NCAM2: variants seen among roughly 807,000 people sequenced by gnomAD.
NCAM2 encodes the protein neural cell adhesion molecule 2.
NCAM2 carries 30 observed loss-of-function variants against 98.1 expected under a neutral mutation model. That is an observed-to-expected ratio of 0.31 (90% CI 0.23 to 0.41). The LOEUF is 0.41. NCAM2 is among the 10% of genes least tolerant of loss of function. The pLI, the probability that NCAM2 is intolerant of heterozygous loss-of-function variation, is 1.00. For synonymous variants in NCAM2, 368 were observed against 342.4 expected (o/e 1.07, Z -0.83); for missense variants, 867 against 1,005.8 (o/e 0.86, Z 1.87).
At chr21:21,006,156 C>T (rs2064109506) in intron 1 of NCAM2, among the ~76,000 whole-genome samples, 1 of 152,094 alleles carries the variant, frequency 6.6e-6, no homozygotes, top group Admixed American at 6.5e-5. Context: ...TTGGATGCAT[C>T]TTATCTTGTT....
intron 1 of NCAM2, among the ~76,000 whole-genome samples, chr21:21,161,156 T>G (rs976469533): frequency 2.0e-5 from 3 of 151,946 alleles, no homozygotes; most frequent in Admixed American, 6.6e-5. Flanking sequence ...TTGAAAAAAT[T>G]TATAACACAT....
At chr21:21,318,114 A>T (rs1388542807) in intron 5 of NCAM2, among the ~76,000 whole-genome samples, 1 of 152,144 alleles carries the variant, frequency 6.6e-6, no homozygotes, top group Non-Finnish European at 1.5e-5. Context: ...GACCCAAGAG[A>T]GTTTCTGAAA....
intron 14 of NCAM2, among the ~76,000 whole-genome samples, chr21:21,470,107 A>G (rs1181195421): frequency 1.3e-5 from 2 of 151,994 alleles, no homozygotes; most frequent in Non-Finnish European, 2.9e-5. Flanking sequence ...TTGTGAGACA[A>G]CGTGTTGTAT....
intron 1 of NCAM2, among the ~76,000 whole-genome samples, chr21:21,171,070 A>G (rs2068109536): frequency 6.6e-6 from 1 of 152,218 alleles, no homozygotes; most frequent in South Asian, 2.1e-4. Flanking sequence ...GGGTGTGGTA[A>G]TACATTTATA....
chr21:21,396,009 G>C (rs1270870808), intron 9 of NCAM2, among the ~76,000 whole-genome samples: 1 of 152,024 alleles, frequency 6.6e-6, no homozygotes, highest in African/African-American at 2.4e-5. Context: ...AAGATAAATA[G>C]ATGGGACTTA....
chr21:21,523,770 C>G (rs60110069), intron 16 of NCAM2, among the ~76,000 whole-genome samples: 8 of 147,804 alleles, frequency 5.4e-5, no homozygotes, highest in African/African-American at 1.9e-4. Context: ...AACAAATAAA[C>G]AAGTTAAAGA....
chr21:21,303,218 G>GAAAAA (rs113495025), intron 5 of NCAM2, among the ~76,000 whole-genome samples: 1 of 145,120 alleles, frequency 6.9e-6, no homozygotes, highest in Non-Finnish European at 1.5e-5. Flanking sequence ...ATCTAAAGTT[G>GAAAAA]AAAAAAAAAA....
At chr21:21,285,619 C>T (rs977609102) in intron 3 of NCAM2, among the ~76,000 whole-genome samples, 1 of 151,844 alleles carries the variant, frequency 6.6e-6, no homozygotes. Flanking sequence ...TTTGCAAGAA[C>T]AATTCATTAC....
intron 12 of NCAM2, among the ~76,000 whole-genome samples, chr21:21,453,384 G>A (rs1038751967): frequency 6.6e-6 from 1 of 151,760 alleles, no homozygotes; most frequent in African/African-American, 2.4e-5. Context: ...CGTCCTGCCT[G>A]GAATGGCATG....
At chr21:21,016,217 T>C (rs769430774) in intron 1 of NCAM2, among the ~76,000 whole-genome samples, 3 of 152,196 alleles carry the variant, frequency 2.0e-5, no homozygotes, top group Non-Finnish European at 4.4e-5. Flanking sequence ...TCGAAGTACA[T>C]GACTGGCCAA....
intron 1 of NCAM2, among the ~76,000 whole-genome samples, chr21:21,067,784 G>A (rs1302337269): frequency 2.0e-5 from 3 of 152,156 alleles, no homozygotes; most frequent in African/African-American, 7.2e-5. Flanking sequence ...CTATTTCTCT[G>A]TTGATAAATT....
chr21:21,213,301 AG>A (rs537116866), intron 1 of NCAM2, among the ~76,000 whole-genome samples: 66 of 152,296 alleles, frequency 4.3e-4, no homozygotes, highest in African/African-American at 1.6e-3. Flanking sequence ...CTAAGTTTTA[AG>A]GGGGCAACTA....
intron 4 of NCAM2, among the ~76,000 whole-genome samples, chr21:21,290,864 C>A (rs776957169): frequency 1.3e-5 from 2 of 151,808 alleles, no homozygotes; most frequent in Non-Finnish European, 1.5e-5. Context: ...ACTACCCTAG[C>A]AGTTTATGGC....
intron 1 of NCAM2, among the ~76,000 whole-genome samples, chr21:21,065,314 T>C (rs2065413319): frequency 6.6e-6 from 1 of 152,214 alleles, no homozygotes; most frequent in African/African-American, 2.4e-5. Flanking sequence ...GCAATTATAT[T>C]AAAACCCTAA....
intron 1 of NCAM2, among the ~76,000 whole-genome samples, chr21:21,019,935 T>G (rs2146180176): frequency 6.6e-6 from 1 of 152,300 alleles, no homozygotes; most frequent in South Asian, 2.1e-4. Context: ...TGAGTCAGAA[T>G]GTGGAATTGA....
chr21:21,456,874 A>G (rs1426801813), intron 12 of NCAM2, among the ~76,000 whole-genome samples: 4 of 152,158 alleles, frequency 2.6e-5, no homozygotes, highest in Non-Finnish European at 5.9e-5. Flanking sequence ...TAAGCCAACA[A>G]CCAGGCCCTC....
intron 1 of NCAM2, among the ~76,000 whole-genome samples, chr21:21,209,424 A>C (rs896638783): frequency 6.6e-6 from 1 of 152,006 alleles, no homozygotes; most frequent in Non-Finnish European, 1.5e-5. Context: ...GGGTCTTGCT[A>C]TGTTTTCCAG....
rs1245879353 is a variant in NCAM2, at chr21:21,224,500, A to C, written c.56-56078A>C. 2.6e-5 allele frequency among the ~76,000 whole-genome samples: 4 copies of C among 152,318 alleles called. No individual in the cohort carries two copies. In the East Asian group the frequency reaches 7.7e-4, roughly 29 times the overall value. On this transcript the variant is annotated intron_variant, in intron 1 of 17. Transcript: ENST00000400546. ...TTGTTTGTACAAAATACTTGTAATC[A>C]TTGCAAAAGCACATATAAATATATG...
chr21:21,143,720 T>C (rs1378870428), intron 1 of NCAM2, among the ~76,000 whole-genome samples: 1 of 151,996 alleles, frequency 6.6e-6, no homozygotes, highest in Non-Finnish European at 1.5e-5. Context: ...TTTCCATCTC[T>C]TCATGCACCA....
Sources: gnomAD v4.1 joint callset for allele counts (sites outside exome capture counted in the v4.1 genomes callset) on GRCh38, gnomAD v4.1.1 for gene constraint, MANE v1.5 for transcripts, NCBI Gene and HGNC (gene_info 2026-07-23, HGNC 2026-07-21) for gene names.